The following ERCC6L2 variants were observed in gnomAD, a reference collection of about 807,000 sequenced individuals.
ERCC6L2 encodes the protein DNA excision repair protein ERCC-6-like 2.
A neutral mutation model predicts 132.0 loss-of-function variants in ERCC6L2; 77 were observed. The ratio of observed to expected loss-of-function variants is 0.58; its 90% confidence interval spans 0.49 to 0.71. The LOEUF (loss-of-function observed/expected upper bound fraction) is 0.71, where lower values mean the gene tolerates loss of function less well. Among genes scored for constraint, ERCC6L2 ranks in the 30% least tolerant of loss-of-function variants. The pLI is 0.00. For synonymous variants in ERCC6L2, 583 were observed against 632.4 expected (o/e 0.92, Z 1.17); for missense variants, 1,542 against 1,837.6 (o/e 0.84, Z 2.94).
At chr9:95,930,854 C>T (rs1255829834) in intron 11 of ERCC6L2, among the ~76,000 whole-genome samples, 2 of 152,132 alleles carry the variant, frequency 1.3e-5, no homozygotes, top group Non-Finnish European at 2.9e-5. Context: ...CATTAGCACA[C>T]ACCCACCCAC....
chr9:95,904,925 T>A (rs1564209086), intron 3 of ERCC6L2: 1 of 152,204 alleles, frequency 6.6e-6, no homozygotes. Flanking sequence ...TGAATTTTAA[T>A]TTTATTTGTG....
chr9:95,907,689 A>G (rs1448367749), intron 4 of ERCC6L2, among the ~76,000 whole-genome samples: 1 of 152,010 alleles, frequency 6.6e-6, no homozygotes, highest in Non-Finnish European at 1.5e-5. Flanking sequence ...TCAAACACTG[A>G]TTGTTAAAGA....
intron 4 of ERCC6L2, among the ~76,000 whole-genome samples, chr9:95,910,873 TGAG>T (rs1260547201): frequency 6.6e-6 from 1 of 152,162 alleles, no homozygotes; most frequent in Non-Finnish European, 1.5e-5. Context: ...GTGGCAGACA[TGAG>T]GACTGAACCT....
intron 7 of ERCC6L2, among the ~76,000 whole-genome samples, chr9:95,921,838 ACG>A (rs796406120): frequency 4.1e-4 from 63 of 152,310 alleles, no homozygotes; most frequent in African/African-American, 1.5e-3. Context: ...ATATCTGTGT[ACG>A]TAGAGAAACC....
At chr9:96,019,680 G>C (rs1184796248), downstream of ERCC6L2, 1 of 152,374 alleles carries the variant, frequency 6.6e-6, no homozygotes, top group Non-Finnish European at 1.5e-5. Flanking sequence ...CATTGGGGGT[G>C]TATCAGTCCA....
chr9:95,960,829 G>A (rs2133021943), intron 13 of ERCC6L2, among the ~76,000 whole-genome samples: 1 of 152,226 alleles, frequency 6.6e-6, no homozygotes, highest in East Asian at 1.9e-4. Flanking sequence ...TAGAGATAGA[G>A]TTTCACTCTG....
intron 17 of ERCC6L2, among the ~76,000 whole-genome samples, chr9:96,002,194 C>T (rs1157430042): frequency 1.3e-5 from 2 of 152,228 alleles, no homozygotes; most frequent in African/African-American, 4.8e-5. Context: ...TGAAGGGCTC[C>T]TCAAATGCCA....
chr9:95,976,348 G>T (rs1832671623), intron 16 of ERCC6L2, among the ~76,000 whole-genome samples: 1 of 152,046 alleles, frequency 6.6e-6, no homozygotes, highest in East Asian at 1.9e-4. Flanking sequence ...GGTCAGTTTG[G>T]GGAGTTCTAG....
intron 4 of ERCC6L2, among the ~76,000 whole-genome samples, chr9:95,911,277 T>C (rs1829327190): frequency 2.0e-5 from 3 of 152,178 alleles, no homozygotes; most frequent in African/African-American, 4.8e-5. Context: ...TCTTCTATCA[T>C]AGCATCAGTC....
chr9:96,036,264 A>G (rs1834517912), intron 19 of ERCC6L2, among the ~76,000 whole-genome samples: 1 of 151,998 alleles, frequency 6.6e-6, no homozygotes, highest in African/African-American at 2.4e-5. Flanking sequence ...TGACAACTCT[A>G]TGTATGTAAT....
chr9:95,974,079 A>T (rs901307677), intron 16 of ERCC6L2, among the ~76,000 whole-genome samples: 1 of 152,210 alleles, frequency 6.6e-6, no homozygotes, highest in Non-Finnish European at 1.5e-5. Flanking sequence ...TAGGCACAAA[A>T]TGTTTATTCT....
At chr9:95,925,853 T>C (rs1381098502) in intron 9 of ERCC6L2, among the ~76,000 whole-genome samples, 1 of 151,988 alleles carries the variant, frequency 6.6e-6, no homozygotes, top group Non-Finnish European at 1.5e-5. Context: ...AAAGGACTGG[T>C]TTACAAATAT....
At chr9:95,944,693 C>G (rs1830967711) in intron 12 of ERCC6L2, among the ~76,000 whole-genome samples, 1 of 151,806 alleles carries the variant, frequency 6.6e-6, no homozygotes, top group African/African-American at 2.4e-5. Context: ...TCTATTTTCC[C>G]TAAGTGTCGG....
chr9:95,919,328 TTA>T (rs1447585873), intron 6 of ERCC6L2, among the ~76,000 whole-genome samples: 3 of 152,350 alleles, frequency 2.0e-5, no homozygotes, highest in African/African-American at 7.2e-5. Context: ...TTACAAATAT[TTA>T]TATGTTTCTA....
chr9:95,939,487 C>A (rs1328999891), intron 11 of ERCC6L2, among the ~76,000 whole-genome samples: 1 of 152,104 alleles, frequency 6.6e-6, no homozygotes, highest in Non-Finnish European at 1.5e-5. Flanking sequence ...CTTCTGATAT[C>A]CATGGTTTCT....
intron 3 of ERCC6L2, among the ~76,000 whole-genome samples, chr9:95,900,755 GT>G (rs1490328360): frequency 6.6e-6 from 1 of 152,026 alleles, no homozygotes; most frequent in Non-Finnish European, 1.5e-5. Context: ...TGGTCACATG[GT>G]TTTATATATT....
At chr9:95,887,178 T>G (rs1827917348) in intron 2 of ERCC6L2, among the ~76,000 whole-genome samples, 1 of 151,794 alleles carries the variant, frequency 6.6e-6, no homozygotes, top group Non-Finnish European at 1.5e-5. Flanking sequence ...CCAAGAGTCA[T>G]CTAGTCTGGT....
chr9:95,959,240 T>C (rs1474293558), intron 13 of ERCC6L2, among the ~76,000 whole-genome samples: 2 of 149,470 alleles, frequency 1.3e-5, no homozygotes, highest in Non-Finnish European at 3.0e-5. Flanking sequence ...TCTACAACTA[T>C]CTGATCTTTG....
chr9:95,939,126 C>T (rs545230794), intron 11 of ERCC6L2, among the ~76,000 whole-genome samples: 3 of 152,156 alleles, frequency 2.0e-5, no homozygotes, highest in East Asian at 3.9e-4. Context: ...CTCTACATGC[C>T]CTAAGCAGCA....
Sources: allele counts gnomAD v4.1 joint callset (sites outside exome capture counted in the v4.1 genomes callset), GRCh38; gene constraint gnomAD v4.1.1; transcripts MANE v1.5; gene names NCBI Gene and HGNC (gene_info 2026-07-23, HGNC 2026-07-21).